Variants in SDK1 observed in about 807,000 individuals in gnomAD.
The protein encoded by SDK1 is sidekick cell adhesion molecule 1, also known as protein sidekick-1.
SDK1 carries 157 observed loss-of-function variants against 245.5 expected under a neutral mutation model. The observed-to-expected ratio is 0.64, with a 90% CI of 0.56 to 0.73. The LOEUF is 0.73. SDK1 is among the 30% of genes least tolerant of loss of function. The pLI is 0.00. For missense variants in SDK1, 3,583 were observed against 3,002.3 expected (o/e 1.19, Z -4.52); for synonymous variants, 1,647 against 1,278.5 (o/e 1.29, Z -6.15).
intron 5 of SDK1, among the ~76,000 whole-genome samples, chr7:3,825,364 T>C (rs1779746511): frequency 1.3e-5 from 2 of 148,424 alleles, no homozygotes; most frequent in South Asian, 4.4e-4. Context: ...AGACGAATTC[T>C]ATACAGTGGT....
intron 25 of SDK1, 36 bp from the exon 26 acceptor site, chr7:4,127,345 T>C: frequency 6.7e-7 from 1 of 1,500,990 alleles, no homozygotes; most frequent in Non-Finnish European, 9.3e-7. Context: ...ACACTCTAGA[T>C]TTTGGATGCT....
At chr7:4,001,023 A>T (rs1366321945) in intron 14 of SDK1, among the ~76,000 whole-genome samples, 1 of 151,988 alleles carries the variant, frequency 6.6e-6, no homozygotes, top group Non-Finnish European at 1.5e-5. Context: ...GGGGTCAGAG[A>T]GCCCAGGGTG....
rs771039972 is a variant in SDK1, at chr7:3,642,012, C to T, written c.620C>T (p.Ala207Val). The T allele has an allele frequency of 1.9e-6, 3 of 1,613,858 alleles. No individual in the cohort carries two copies. Among genetic ancestry groups the T allele is most frequent in the Non-Finnish European group, 2.5e-6 (3 of 1,179,742 alleles). The change falls in exon 4 of 45, where the codon GCA becomes GTA. Residue 207 changes from alanine to valine, a missense_variant. Coordinates refer to ENST00000404826, the MANE Select transcript of SDK1 (RefSeq NM_152744.4). ...AGGAAAACAGTTTCTCAAGGACGTG[C>T]AGCGATTCTAAACCTGCTGCCCATC... ...DQRKTVSQGR[A>V]AILNLLPITS...
At chr7:4,201,430 T>C (rs1159852705) in intron 35 of SDK1, among the ~76,000 whole-genome samples, 1 of 152,214 alleles carries the variant, frequency 6.6e-6, no homozygotes, top group African/African-American at 2.4e-5. Flanking sequence ...TTTGATGTCA[T>C]TAAAGCAAAC....
chr7:3,585,267 A>C (rs1780647932), intron 1 of SDK1, among the ~76,000 whole-genome samples: 1 of 152,204 alleles, frequency 6.6e-6, no homozygotes, highest in Non-Finnish European at 1.5e-5. Context: ...ATTGAGCTTT[A>C]AGAGTGGCTG....
chr7:4,124,180 T>G (rs1302562504), intron 25 of SDK1, among the ~76,000 whole-genome samples: 1 of 152,236 alleles, frequency 6.6e-6, no homozygotes, highest in East Asian at 1.9e-4. Flanking sequence ...TCTTCTAGGA[T>G]GCACATGAAC....
chr7:3,693,605 A>G (rs1784492772), intron 4 of SDK1, among the ~76,000 whole-genome samples: 1 of 151,488 alleles, frequency 6.6e-6, no homozygotes, highest in Non-Finnish European at 1.5e-5. Context: ...GATATTTTAT[A>G]TTTTTGTTGC....
At chr7:3,458,289 C>G (rs564991971) in intron 1 of SDK1, among the ~76,000 whole-genome samples, 2 of 152,038 alleles carry the variant, frequency 1.3e-5, no homozygotes, top group African/African-American at 4.8e-5. Flanking sequence ...TGTTGTCTCT[C>G]TTTTCTCTTT....
At chr7:3,517,042 C>A (rs1273912341) in intron 1 of SDK1, among the ~76,000 whole-genome samples, 1 of 152,052 alleles carries the variant, frequency 6.6e-6, no homozygotes, top group African/African-American at 2.4e-5. Context: ...AGCAAACATT[C>A]CTGATTTTTC....
chr7:3,587,301 G>A (rs1780721961), intron 1 of SDK1, among the ~76,000 whole-genome samples: 2 of 28,006 alleles, frequency 7.1e-5, no homozygotes. Flanking sequence ...GAAACAGAAC[G>A]TGTGTGTGTG....
Position 4,198,447 on chromosome 7 carries a change from C to T in SDK1, c.5099-7432C>T, listed in dbSNP as rs1489879280. 2.6e-5 allele frequency among the ~76,000 whole-genome samples: 4 copies of T among 152,246 alleles called. No individual in the cohort carries two copies. In the South Asian group the frequency reaches 8.3e-4, roughly 32 times the overall value. Reference sequence around the variant, plus strand: ...CCAGTCAAGGCCTCTGCTCTCATTGCAGCCCTCCTGCACTTCCTTCCTCTG... The same window carrying T: ...CCAGTCAAGGCCTCTGCTCTCATTGTAGCCCTCCTGCACTTCCTTCCTCTG... On this transcript the variant is annotated intron_variant, in intron 35 of 44. Transcript: ENST00000404826.
At chr7:3,581,087 C>T (rs1295008851) in intron 1 of SDK1, among the ~76,000 whole-genome samples, 1 of 149,764 alleles carries the variant, frequency 6.7e-6, no homozygotes, top group East Asian at 2.0e-4. Flanking sequence ...AAAACAATTG[C>T]ACCAAAAGCA....
At chr7:4,101,183 C>G (rs1782514345) in intron 22 of SDK1, among the ~76,000 whole-genome samples, 2 of 149,420 alleles carry the variant, frequency 1.3e-5, no homozygotes, top group South Asian at 4.2e-4. Context: ...GAGTCTCGCT[C>G]TGTCACCCAG....
intron 43 of SDK1, among the ~76,000 whole-genome samples, chr7:4,244,054 T>G (rs1055600172): frequency 1.3e-5 from 2 of 152,174 alleles, no homozygotes; most frequent in African/African-American, 4.8e-5. Flanking sequence ...GAAAGGCCCT[T>G]GAGCCTTCAC....
intron 1 of SDK1, among the ~76,000 whole-genome samples, chr7:3,389,828 G>C (rs1369411563): frequency 1.3e-5 from 2 of 152,182 alleles, no homozygotes; most frequent in African/African-American, 4.8e-5. Context: ...ATCTGAAAAT[G>C]TGGAAGCAGC....
chr7:3,478,119 G>T (rs941986355), intron 1 of SDK1, among the ~76,000 whole-genome samples: 2 of 151,976 alleles, frequency 1.3e-5, no homozygotes, highest in African/African-American at 4.8e-5. Context: ...AAATTATAAA[G>T]TATTATCCTT....
intron 40 of SDK1, among the ~76,000 whole-genome samples, chr7:4,232,042 C>CTTTTTTTTTTTTTTTTTTTTT (rs58243380): frequency 7.6e-6 from 1 of 131,834 alleles, no homozygotes; most frequent in Non-Finnish European, 1.6e-5. Context: ...TCTGAGCCTA[C>CTTTTTTTTTTTTTTTTTTTTT]TTTTTTTTTT....
chr7:4,027,620 G>T (rs1423037898), intron 17 of SDK1, among the ~76,000 whole-genome samples: 1 of 152,208 alleles, frequency 6.6e-6, no homozygotes, highest in East Asian at 1.9e-4. Context: ...AGTTTCCTCG[G>T]ATTAACCATC....
intron 1 of SDK1, among the ~76,000 whole-genome samples, chr7:3,483,899 T>C (rs1781595402): frequency 6.6e-6 from 1 of 152,210 alleles, no homozygotes; most frequent in Non-Finnish European, 1.5e-5. Flanking sequence ...ATAATACTTG[T>C]CTAACATTTT....
Sources: gnomAD v4.1 joint callset for allele counts (sites outside exome capture counted in the v4.1 genomes callset) on GRCh38, gnomAD v4.1.1 for gene constraint, MANE v1.5 for transcripts, NCBI Gene and HGNC (gene_info 2026-07-23, HGNC 2026-07-21) for gene names.